The following MACROD2 variants were observed in gnomAD, a reference collection of about 807,000 sequenced individuals.
MACROD2 encodes the protein mono-ADP ribosylhydrolase 2.
In MACROD2, 36 loss-of-function variants were observed where a neutral mutation model predicts 70.4. That is an observed-to-expected ratio of 0.51 (90% CI 0.39 to 0.68). The LOEUF is 0.68. Ranked by LOEUF, MACROD2 falls within the 30% of genes least tolerant of loss-of-function variation. The pLI, the probability that MACROD2 is intolerant of heterozygous loss-of-function variation, is 0.00. For synonymous variants in MACROD2, 172 were observed against 178.8 expected (o/e 0.96, Z 0.30); for missense variants, 496 against 538.4 (o/e 0.92, Z 0.78).
chr20:15,483,911 T>A (rs2047130994), intron 7 of MACROD2, among the ~76,000 whole-genome samples: 1 of 152,110 alleles, frequency 6.6e-6, no homozygotes, highest in South Asian at 2.1e-4. Flanking sequence ...ATATTAACCT[T>A]CTATCTTGCA....
chr20:15,561,473 T>C (rs925296725), intron 8 of MACROD2, among the ~76,000 whole-genome samples: 1 of 152,202 alleles, frequency 6.6e-6, no homozygotes, highest in African/African-American at 2.4e-5. Flanking sequence ...TTGATGTTCT[T>C]GGAGATTCTC....
At chr20:15,782,372 C>G (rs1358577249) in intron 8 of MACROD2, among the ~76,000 whole-genome samples, 1 of 152,012 alleles carries the variant, frequency 6.6e-6, no homozygotes, top group Non-Finnish European at 1.5e-5. Flanking sequence ...CTGGGTGGTT[C>G]TTCTAGTCTT....
intron 4 of MACROD2, among the ~76,000 whole-genome samples, chr20:14,569,138 G>C (rs2123313638): frequency 6.6e-6 from 1 of 152,090 alleles, no homozygotes; most frequent in African/African-American, 2.4e-5. Context: ...CTACCTCAGT[G>C]TCTTGGAGGT....
intron 5 of MACROD2, among the ~76,000 whole-genome samples, chr20:14,876,706 A>C (rs1377816829): frequency 6.6e-6 from 1 of 152,166 alleles, no homozygotes; most frequent in Non-Finnish European, 1.5e-5. Flanking sequence ...TCCCAGCACC[A>C]TTTATTCGGT....
At chr20:14,913,448 A>C (rs1281888058) in intron 5 of MACROD2, among the ~76,000 whole-genome samples, 1 of 152,172 alleles carries the variant, frequency 6.6e-6, no homozygotes, top group Admixed American at 6.5e-5. Flanking sequence ...ACACATTGGA[A>C]AGCCAAGGCA....
chr20:15,020,926 C>CAT (rs1568534215), intron 5 of MACROD2, among the ~76,000 whole-genome samples: 1 of 150,304 alleles, frequency 6.7e-6, no homozygotes, highest in Non-Finnish European at 1.5e-5. Context: ...ACTATATACA[C>CAT]ATATATATGT....
At chr20:14,475,589 G>A (rs1568629838) in intron 3 of MACROD2, among the ~76,000 whole-genome samples, 1 of 151,550 alleles carries the variant, frequency 6.6e-6, no homozygotes, top group African/African-American at 2.4e-5. Context: ...TTAAGAACAG[G>A]TCTGATAGCA....
intron 12 of MACROD2, among the ~76,000 whole-genome samples, chr20:15,946,442 G>A (rs897964976): frequency 6.6e-6 from 1 of 152,066 alleles, no homozygotes; most frequent in Non-Finnish European, 1.5e-5. Flanking sequence ...GGGGGGTGGT[G>A]CATGCATATT....
chr20:15,806,867 G>A (rs190259894), intron 8 of MACROD2, among the ~76,000 whole-genome samples: 19 of 152,224 alleles, frequency 1.2e-4, no homozygotes, highest in African/African-American at 3.8e-4. Flanking sequence ...ATTGAAAGGA[G>A]ACGTTTAGGA....
intron 3 of MACROD2, among the ~76,000 whole-genome samples, chr20:14,465,345 C>G (rs1047739723): frequency 1.3e-5 from 2 of 152,066 alleles, no homozygotes; most frequent in East Asian, 3.9e-4. Flanking sequence ...TTGTCTGAGA[C>G]TAGGATTGCA....
intron 6 of MACROD2, among the ~76,000 whole-genome samples, chr20:15,386,606 C>T (rs576448457): frequency 1.3e-5 from 2 of 152,178 alleles, no homozygotes; most frequent in Non-Finnish European, 2.9e-5. Flanking sequence ...GCCACTGAAA[C>T]TGTAATAGCT....
At chr20:14,737,138 G>C (rs1224228252) in intron 5 of MACROD2, among the ~76,000 whole-genome samples, 1 of 152,010 alleles carries the variant, frequency 6.6e-6, no homozygotes, top group African/African-American at 2.4e-5. Context: ...GGTGTGTGTT[G>C]TTCCCCTCCC....
intron 7 of MACROD2, among the ~76,000 whole-genome samples, chr20:15,449,680 G>A (rs1280255193): frequency 6.6e-6 from 1 of 151,972 alleles, no homozygotes; most frequent in African/African-American, 2.4e-5. Flanking sequence ...GTTTCTTCTA[G>A]TGATCTAGTA....
intron 2 of MACROD2, among the ~76,000 whole-genome samples, chr20:14,080,686 A>AGGT (rs1569149921): frequency 6.7e-6 from 1 of 150,266 alleles, no homozygotes; most frequent in South Asian, 2.1e-4. Flanking sequence ...AGTCCTGTTC[A>AGGT]TTTTTTTTTT....
intron 8 of MACROD2, among the ~76,000 whole-genome samples, chr20:15,851,421 T>G (rs528995158): frequency 5.9e-5 from 9 of 152,050 alleles, no homozygotes; most frequent in Non-Finnish European, 1.2e-4. Flanking sequence ...GGGGCATTTC[T>G]TCTGAGGTTT....
chr20:14,565,940 G>A (rs959458600), intron 4 of MACROD2, among the ~76,000 whole-genome samples: 47 of 151,892 alleles, frequency 3.1e-4, no homozygotes, highest in Admixed American at 2.6e-3. Flanking sequence ...TGGAAGATTT[G>A]TTGATGCCTT....
At chr20:14,181,734 A>G (rs927905606) in intron 3 of MACROD2, among the ~76,000 whole-genome samples, 1 of 152,180 alleles carries the variant, frequency 6.6e-6, no homozygotes, top group Non-Finnish European at 1.5e-5. Context: ...TAATGGAAAT[A>G]TATAATCTGT....
At chr20:14,501,728 T>G (rs2084917118) in intron 4 of MACROD2, among the ~76,000 whole-genome samples, 1 of 152,136 alleles carries the variant, frequency 6.6e-6, no homozygotes, top group Non-Finnish European at 1.5e-5. Flanking sequence ...AATTAAAGGT[T>G]GTAAAGAAAA....
intron 8 of MACROD2, among the ~76,000 whole-genome samples, chr20:15,640,261 AGT>A (rs1249128651): frequency 2.0e-5 from 3 of 152,024 alleles, no homozygotes; most frequent in Admixed American, 6.5e-5. Flanking sequence ...ATAGTGAAAG[AGT>A]GAGACAGTGA....
Sources: gnomAD v4.1 joint callset for allele counts (sites outside exome capture counted in the v4.1 genomes callset) on GRCh38, gnomAD v4.1.1 for gene constraint, MANE v1.5 for transcripts, NCBI Gene and HGNC (gene_info 2026-07-23, HGNC 2026-07-21) for gene names.